Variants in PLEKHB1 observed in about 807,000 individuals in gnomAD.
PLEKHB1 encodes the protein pleckstrin homology domain containing B1, also known as pleckstrin homology domain-containing family B member 1.
A neutral mutation model predicts 36.2 loss-of-function variants in PLEKHB1; 29 were observed. The observed-to-expected ratio is 0.80, with a 90% confidence interval of 0.60 to 1.09. The LOEUF is 1.09. PLEKHB1 is among the 50% of genes least tolerant of loss of function. The pLI is 0.00. For synonymous variants in PLEKHB1, 138 were observed against 140.0 expected (o/e 0.99, Z 0.10); for missense variants, 330 against 348.2 (o/e 0.95, Z 0.42).
chr11:73,654,902 G>A (rs761298790), intron 5 of PLEKHB1, among the ~76,000 whole-genome samples: 2 of 152,186 alleles, frequency 1.3e-5, no homozygotes, highest in African/African-American at 2.4e-5. Context: ...ATTCAGCAGC[G>A]AGGGCTGTGG....
Position 73,661,795 on chromosome 11 carries a change from C to G in PLEKHB1, c.*193C>G, listed in dbSNP as rs544367316. The G allele has an allele frequency of 7.8e-5, 52 of 669,308 alleles. No homozygotes were observed. In the African/African-American group the frequency reaches 9.5e-4, roughly 12 times the overall value. The allele number at this position is 669,308 out of a possible 1,614,324, so 41.5% of individuals were successfully genotyped here. A position where few individuals can be genotyped will look rare whatever the true frequency, so the allele number is the denominator to read the frequency against. On this transcript the variant is annotated 3_prime_UTR_variant, in exon 8 of 8. Transcript: ENST00000354190. The surrounding 1 kb of genome is among the most constrained non-coding windows in gnomAD (Gnocchi z 4.6). ...TGGGAAGAAGCTATCATCACAGGTACAAACATCGCTTGAAGTCTTCACATC... is the reference window on the plus strand; with the variant it reads ...TGGGAAGAAGCTATCATCACAGGTAGAAACATCGCTTGAAGTCTTCACATC...
intron 4 of PLEKHB1, chr11:73,652,163 G>A: frequency 2.0e-6 from 1 of 494,074 alleles, no homozygotes; most frequent in Non-Finnish European, 3.7e-6. Flanking sequence ...CTGGTCTTTA[G>A]CGGCCTCTGA....
At chr11:73,659,047 A>G (rs2134827153) in intron 6 of PLEKHB1, among the ~76,000 whole-genome samples, 1 of 152,218 alleles carries the variant, frequency 6.6e-6, no homozygotes, top group South Asian at 2.1e-4. Flanking sequence ...AACATGGTGA[A>G]ACCCTGTCTC....
In PLEKHB1 at chr11:73,652,997, G is replaced by C. The variant is rs1055731696; in HGVS notation, c.373G>C (p.Glu125Gln). Residue 125 changes from glutamate (E) to glutamine (Q), a missense_variant, in exon 5 of 8, where the codon GAG becomes CAG. Transcript: ENST00000354190. ...DALAWKTALL[E>Q]ANSTPAPAGA... is the part of the protein sequence containing the mutation. ...CAGAGCATGGAAGACAGCACTGCTG[G>C]AGGCAAACTCCACCCCGGTGAGTCT... 1 of 1,609,874 alleles carries C rather than the reference G, an allele frequency of 6.2e-7. No homozygotes were observed. Among genetic ancestry groups the C allele is most frequent in the Non-Finnish European group, 8.5e-7 (1 of 1,177,190 alleles).
rs1945148317 is a variant in PLEKHB1, at chr11:73,662,520, TC to T, written c.*919del. 1 of 152,494 alleles carries T rather than the reference TC, an allele frequency of 6.6e-6. No individual in the cohort carries two copies. The highest frequency in any genetic ancestry group is 2.1e-4 in the South Asian group (1 of 4,836). The allele number at this position is 152,494 out of a possible 1,614,324, so 9.4% of individuals were successfully genotyped here. On this transcript the variant is annotated 3_prime_UTR_variant, in exon 8 of 8. Coordinates refer to ENST00000354190, the MANE Select transcript of PLEKHB1 (RefSeq NM_021200.3). ...GGCCCTCTCTTTGTAGCTGTGACTGTCACCCTCTCAGGCTTTGTCTCATCCT... is the reference window on the plus strand; with the variant it reads ...GGCCCTCTCTTTGTAGCTGTGACTGTACCCTCTCAGGCTTTGTCTCATCCT...
chr11:73,654,282 T>C (rs1257767824), intron 5 of PLEKHB1, among the ~76,000 whole-genome samples: 1 of 152,226 alleles, frequency 6.6e-6, no homozygotes, highest in Non-Finnish European at 1.5e-5. Flanking sequence ...CACCCCCATC[T>C]GCCTGACTCC....
At chr11:73,650,855 T>G in intron 3 of PLEKHB1, 150 bp downstream of exon 3, 1 of 1,000,224 alleles carries the variant, frequency 1.0e-6, no homozygotes, top group Non-Finnish European at 1.4e-6. Context: ...CCAATTCAGT[T>G]TGGTGTGAGT....
chr11:73,650,397 A>C lies in PLEKHB1; in HGVS notation c.95-156A>C. The C allele has an allele frequency of 3.9e-6, 3 of 772,856 alleles. No individual in the cohort carries two copies. In the South Asian group the frequency reaches 5.8e-5, roughly 15 times the overall value. The allele number at this position is 772,856 out of a possible 1,614,324, so 47.9% of individuals were successfully genotyped here. A position where few individuals can be genotyped will look rare whatever the true frequency, so the allele number is the denominator to read the frequency against. ...ATGGGAGGCAGGAGGTGAACAAGAC[A>C]GAAAGAGGTCCTGCCCTCATTTCAG... On this transcript the variant is annotated intron_variant, in intron 2 of 7. Transcript: ENST00000354190.
In PLEKHB1 at chr11:73,655,809, G is replaced by A. The variant is rs777969349; in HGVS notation, c.397G>A (p.Ala133Thr). Residue 133 changes from alanine (A) to threonine (T), a missense_variant, in exon 6 of 8, where the codon GCT becomes ACT. Physicochemically the swap from Ala to Thr is moderately conservative, Grantham distance 58. Coordinates refer to ENST00000354190, the MANE Select transcript of PLEKHB1 (RefSeq NM_021200.3). ...GTTTCTGTGGCTTGAGCAGGCCCCA[G>A]CTGGAGCCACCGTCCCTCCCAGGAG... ...LLEANSTPAP[A>T]GATVPPRSRR... 4 of 1,613,330 alleles carry A rather than the reference G, an allele frequency of 2.5e-6. No individual in the cohort carries two copies. Among genetic ancestry groups the A allele is most frequent in the Non-Finnish European group, 3.4e-6 (4 of 1,179,816 alleles).
intron 3 of PLEKHB1, among the ~76,000 whole-genome samples, chr11:73,650,959 T>C (rs539455624): frequency 1.8e-4 from 27 of 150,670 alleles, no homozygotes; most frequent in South Asian, 1.3e-3. Flanking sequence ...AGGTCAGGAG[T>C]TCTAGATCAG....
chr11:73,654,273 A>G (rs2134813504), intron 5 of PLEKHB1, among the ~76,000 whole-genome samples: 1 of 152,096 alleles, frequency 6.6e-6, no homozygotes, highest in Non-Finnish European at 1.5e-5. Context: ...CTTGGCCTCC[A>G]CCCCCATCTG....
In PLEKHB1 at chr11:73,661,028, A is replaced by G; in HGVS notation, c.595+176A>G. The G allele has an allele frequency of 1.5e-6, 1 of 665,092 alleles. No homozygotes were observed. Among genetic ancestry groups the G allele is most frequent in the Non-Finnish European group, 2.6e-6 (1 of 387,018 alleles). 41.2% of individuals were successfully genotyped at this position (665,092 alleles called of 1,614,324 possible). A position where few individuals can be genotyped will look rare whatever the true frequency, so the allele number is the denominator to read the frequency against. On this transcript the variant is annotated intron_variant, in intron 7 of 7. Transcript: ENST00000354190. The surrounding 1 kb of genome is among the most constrained non-coding windows in gnomAD (Gnocchi z 4.6). ...CTGAGACTGGGAGAGCTCTGGAACC[A>G]GCGTTCGTCTCGAGCTGACCTCACC...
chr11:73,658,685 C>T (rs1312108383), intron 6 of PLEKHB1, among the ~76,000 whole-genome samples: 1 of 152,178 alleles, frequency 6.6e-6, no homozygotes, highest in Non-Finnish European at 1.5e-5. Flanking sequence ...GGTGCAAACA[C>T]TGCTCACTGC....
intron 1 of PLEKHB1, chr11:73,647,717 A>G (rs1342128948): frequency 1.0e-6 from 1 of 985,506 alleles, no homozygotes; most frequent in African/African-American, 1.7e-5. Flanking sequence ...AGGCAGCAAC[A>G]TCCGCAACAA....
At chr11:73,652,848 A>C in intron 4 of PLEKHB1, 127 bp from the exon 5 acceptor site, 1 of 748,056 alleles carries the variant, frequency 1.3e-6, no homozygotes, top group Non-Finnish European at 2.2e-6. Flanking sequence ...GAGGGAGACA[A>C]GAGATCTCTC....
intron 3 of PLEKHB1, chr11:73,651,320 C>T: frequency 2.4e-6 from 1 of 414,132 alleles, no homozygotes. Flanking sequence ...TGGCACTGCA[C>T]TACAGCCTGG....
chr11:73,653,019 G>A lies in PLEKHB1; in HGVS notation c.390+5G>A. The A allele has an allele frequency of 6.2e-7, 1 of 1,609,288 alleles. No homozygotes were observed. Among genetic ancestry groups the A allele is most frequent in the Non-Finnish European group, 8.5e-7 (1 of 1,176,776 alleles). On this transcript the variant is annotated splice_donor_5th_base_variant and intron_variant, in intron 5 of 7. Transcript: ENST00000354190. ...CTGGAGGCAAACTCCACCCCGGTGA[G>A]TCTCCCGTTCTCTCCCCCTTTCCCC...
At chr11:73,651,656 T>C in intron 3 of PLEKHB1, 132 bp from the exon 4 acceptor site, 1 of 703,990 alleles carries the variant, frequency 1.4e-6, no homozygotes, top group Non-Finnish European at 2.5e-6. Context: ...AGAGAGTATA[T>C]GGGATCAGAG....
chr11:73,651,789 T>A lies in PLEKHB1; in HGVS notation c.249T>A (p.Asp83Glu). 2.5e-6 allele frequency: 4 copies of A among 1,613,198 alleles called. No individual in the cohort carries two copies. The highest frequency in any genetic ancestry group is 3.4e-6 in the Non-Finnish European group (4 of 1,179,652). Reference sequence around the variant, plus strand: ...CCATATATGTGTGTCTGCTTCCAGATGTGCAGCCCCCAGAGGGCCGGAGCC... The same window carrying A: ...CCATATATGTGTGTCTGCTTCCAGAAGTGCAGCCCCCAGAGGGCCGGAGCC... ...RDIKIGPECH[D>E]VQPPEGRSRD... The change falls in exon 4 of 8, where the codon GAT becomes GAA. Residue 83 changes from aspartate (D) to glutamate (E), a missense_variant and splice_region_variant. Transcript: ENST00000354190.
Sources: allele counts gnomAD v4.1 joint callset (sites outside exome capture counted in the v4.1 genomes callset), GRCh38; gene constraint gnomAD v4.1.1; non-coding constraint Gnocchi (gnomAD v3.1); transcripts MANE v1.5; gene names NCBI Gene and HGNC (gene_info 2026-07-23, HGNC 2026-07-21).